PPP1R9A: variants seen among roughly 807,000 people sequenced by gnomAD.
PPP1R9A encodes neurabin-1.
PPP1R9A carries 59 observed loss-of-function variants against 141.9 expected under a neutral mutation model. The ratio of observed to expected loss-of-function variants is 0.42; its 90% CI spans 0.34 to 0.52. PPP1R9A has a LOEUF of 0.52. Ranked by LOEUF, PPP1R9A falls within the 20% of genes least tolerant of loss-of-function variation. The pLI is 0.10. For synonymous variants in PPP1R9A, 500 were observed against 569.7 expected (o/e 0.88, Z 1.74); for missense variants, 1,444 against 1,611.9 (o/e 0.90, Z 1.78).
chr7:94,965,711 G>A (rs1798130654), intron 2 of PPP1R9A, among the ~76,000 whole-genome samples: 2 of 151,984 alleles, frequency 1.3e-5, no homozygotes, highest in South Asian at 2.1e-4. Flanking sequence ...ATGCTGTTTT[G>A]GTTACTGTAG....
intron 12 of PPP1R9A, among the ~76,000 whole-genome samples, chr7:95,258,303 C>T (rs1585501621): frequency 6.6e-6 from 1 of 152,304 alleles, no homozygotes; most frequent in Non-Finnish European, 1.5e-5. Context: ...CTTTTGGCTG[C>T]ATAAATGTCT....
At chr7:95,010,917 A>G (rs1804328021) in intron 2 of PPP1R9A, among the ~76,000 whole-genome samples, 1 of 152,192 alleles carries the variant, frequency 6.6e-6, no homozygotes, top group Non-Finnish European at 1.5e-5. Flanking sequence ...ATAAAGATAT[A>G]CAAGTACCAC....
At chr7:95,149,053 C>T (rs566845950) in intron 4 of PPP1R9A, among the ~76,000 whole-genome samples, 11 of 151,512 alleles carry the variant, frequency 7.3e-5, no homozygotes, top group Non-Finnish European at 1.5e-4. Flanking sequence ...TATACAGAGA[C>T]CAGGTGGGAT....
chr7:95,024,205 G>A (rs186297484), intron 2 of PPP1R9A, among the ~76,000 whole-genome samples: 4 of 152,214 alleles, frequency 2.6e-5, no homozygotes, highest in Admixed American at 6.5e-5. Context: ...CCAATTATGT[G>A]GTCAATTTTA....
intron 2 of PPP1R9A, among the ~76,000 whole-genome samples, chr7:94,930,600 A>G (rs1188895419): frequency 2.0e-5 from 3 of 152,128 alleles, no homozygotes; most frequent in East Asian, 1.9e-4. Flanking sequence ...TCGGCCTCCT[A>G]AAGTGCTGGG....
chr7:94,998,908 T>C (rs928142668), intron 2 of PPP1R9A, among the ~76,000 whole-genome samples: 29 of 152,200 alleles, frequency 1.9e-4, no homozygotes, highest in Admixed American at 7.2e-4. Context: ...GGACTACAGA[T>C]ATAAGCCACT....
intron 7 of PPP1R9A, among the ~76,000 whole-genome samples, chr7:95,208,014 T>C (rs552555798): frequency 2.6e-5 from 4 of 152,334 alleles, no homozygotes; most frequent in African/African-American, 9.6e-5. Context: ...GGTGCAATTC[T>C]AGTAAAAATA....
At chr7:94,958,503 T>C (rs539212195) in intron 2 of PPP1R9A, among the ~76,000 whole-genome samples, 1 of 152,196 alleles carries the variant, frequency 6.6e-6, no homozygotes, top group East Asian at 1.9e-4. Flanking sequence ...TACATTTTCT[T>C]ACTCTCACCT....
chr7:95,175,718 A>C (rs2152767260), intron 5 of PPP1R9A, among the ~76,000 whole-genome samples: 1 of 152,212 alleles, frequency 6.6e-6, no homozygotes, highest in South Asian at 2.1e-4. Flanking sequence ...TTAAACTTTA[A>C]ATGCTTTCAA....
At chr7:95,033,682 ATTTTTGTG>A (rs1199697601) in intron 2 of PPP1R9A, among the ~76,000 whole-genome samples, 3 of 151,816 alleles carry the variant, frequency 2.0e-5, no homozygotes, top group Non-Finnish European at 4.4e-5. Context: ...CCTGAAGTTG[ATTTTTGTG>A]TGTGTCAGAG....
At chr7:95,284,422 T>C in intron 17 of PPP1R9A, 92 bp downstream of exon 17, 2 of 1,188,996 alleles carry the variant, frequency 1.7e-6, no homozygotes, top group South Asian at 3.3e-5. Context: ...GCTGTTTCAT[T>C]GTAGATTGTA....
At chr7:94,912,426 C>A (rs1791566680) in intron 2 of PPP1R9A, among the ~76,000 whole-genome samples, 1 of 152,158 alleles carries the variant, frequency 6.6e-6, no homozygotes, top group South Asian at 2.1e-4. Flanking sequence ...TGCTGGCATG[C>A]TCTCCTTGGG....
At chr7:95,025,674 C>G (rs1326368496) in intron 2 of PPP1R9A, among the ~76,000 whole-genome samples, 2 of 151,678 alleles carry the variant, frequency 1.3e-5, no homozygotes, top group Non-Finnish European at 2.9e-5. Context: ...TGTTTTCCGA[C>G]TTGGTTCCAT....
chr7:94,950,711 C>T (rs1796372548), intron 2 of PPP1R9A, among the ~76,000 whole-genome samples: 1 of 152,014 alleles, frequency 6.6e-6, no homozygotes, highest in African/African-American at 2.4e-5. Flanking sequence ...TGGATAGTGT[C>T]TTCTTTTTGT....
chr7:95,149,235 C>T (rs1828203789), intron 4 of PPP1R9A, among the ~76,000 whole-genome samples: 1 of 151,726 alleles, frequency 6.6e-6, no homozygotes, highest in South Asian at 2.1e-4. Flanking sequence ...AGGAGTAGAG[C>T]AGAATTTTCT....
intron 8 of PPP1R9A, among the ~76,000 whole-genome samples, chr7:95,241,989 A>C (rs1361031888): frequency 6.6e-6 from 1 of 152,174 alleles, no homozygotes; most frequent in African/African-American, 2.4e-5. Flanking sequence ...CCAATGCTAC[A>C]TATGCTGCCA....
chr7:95,202,206 A>G (rs1471904316), intron 6 of PPP1R9A, among the ~76,000 whole-genome samples: 1 of 152,168 alleles, frequency 6.6e-6, no homozygotes, highest in Non-Finnish European at 1.5e-5. Flanking sequence ...AATTTAAGCT[A>G]TGTAGATAAT....
intron 3 of PPP1R9A, among the ~76,000 whole-genome samples, chr7:95,114,572 C>T (rs1821132739): frequency 6.6e-6 from 1 of 151,742 alleles, no homozygotes. Context: ...TTGTATGTTG[C>T]CATATTTCAT....
intron 5 of PPP1R9A, among the ~76,000 whole-genome samples, chr7:95,163,461 G>A (rs1182194941): frequency 6.6e-6 from 1 of 152,198 alleles, no homozygotes; most frequent in Non-Finnish European, 1.5e-5. Flanking sequence ...AGTACAGGTT[G>A]AGTATCCCTT....
Sources: gnomAD v4.1 joint callset for allele counts (sites outside exome capture counted in the v4.1 genomes callset) on GRCh38, gnomAD v4.1.1 for gene constraint, MANE v1.5 for transcripts, NCBI Gene and HGNC (gene_info 2026-07-23, HGNC 2026-07-21) for gene names.